The following PLCL2 variants were observed in gnomAD, a reference collection of about 807,000 sequenced individuals.
PLCL2 encodes the protein inactive phospholipase C-like protein 2.
PLCL2 carries 4 observed loss-of-function variants against 79.6 expected under a neutral mutation model. The observed-to-expected ratio is 0.05, with a 90% CI of 0.02 to 0.11. The LOEUF is 0.11. Ranked by LOEUF, PLCL2 falls within the 10% of genes least tolerant of loss-of-function variation. PLCL2 has a pLI of 1.00. For missense variants in PLCL2, 895 were observed against 1,291.0 expected (o/e 0.69, Z 4.70); for synonymous variants, 484 against 457.7 (o/e 1.06, Z -0.73).
At chr3:16,890,957 G>A (rs1318719358) in intron 1 of PLCL2, among the ~76,000 whole-genome samples, 1 of 152,196 alleles carries the variant, frequency 6.6e-6, no homozygotes, top group Non-Finnish European at 1.5e-5. Flanking sequence ...AGGACACTTG[G>A]CACCCACCCA....
rs929094103 is a variant in PLCL2, at chr3:17,040,645, C to T, written c.3019-2229C>T. On this transcript the variant is annotated intron_variant, in intron 3 of 5. Transcript: ENST00000615277. ...CACACATCCTTTCATTTAATCCTCACATTATGAGGTGTAATGTCTTTAATA... is the reference window on the plus strand; with the variant it reads ...CACACATCCTTTCATTTAATCCTCATATTATGAGGTGTAATGTCTTTAATA... Among the ~76,000 whole-genome samples, 11 of 152,250 alleles carry T rather than the reference C, an allele frequency of 7.2e-5. No individual in the cohort carries two copies. The South Asian group carries it at 2.3e-3, about 32-fold the overall frequency.
At chr3:16,912,470 CAT>C in intron 1 of PLCL2, among the ~76,000 whole-genome samples, 1 of 152,290 alleles carries the variant, frequency 6.6e-6, no homozygotes, top group East Asian at 1.9e-4. Flanking sequence ...AGTGGTTTAA[CAT>C]GTGTATAGTG....
At position 17,066,480 on chromosome 3, in the gene PLCL2, C is replaced by T. The variant is rs2065012335; in HGVS notation, c.3095-1476C>T. On this transcript the variant is annotated intron_variant, in intron 4 of 5. Transcript: ENST00000615277. ...TTGTCAATCACCATGTAAAGAGTTG[C>T]TTCGAAATGGTGTTGCATAGAAAGG... Among the ~76,000 whole-genome samples the T allele has an allele frequency of 2.0e-5, 3 of 152,170 alleles. No homozygotes were observed. The South Asian group carries it at 6.2e-4, about 32-fold the overall frequency.
intron 5 of PLCL2, 53 bp downstream of exon 5, chr3:17,068,118 G>A (rs2065027820): frequency 2.1e-6 from 2 of 939,088 alleles, no homozygotes; most frequent in African/African-American, 3.3e-5. Context: ...CTTTCAGCAT[G>A]CTTCCCTCTC....
intron 1 of PLCL2, among the ~76,000 whole-genome samples, chr3:16,898,093 G>A (rs1696526893): frequency 6.6e-6 from 1 of 152,166 alleles, no homozygotes; most frequent in African/African-American, 2.4e-5. Flanking sequence ...GTGACCTGAG[G>A]GGAAGGCCAA....
chr3:16,960,849 TTC>T (rs2063747946), intron 1 of PLCL2, among the ~76,000 whole-genome samples: 1 of 152,244 alleles, frequency 6.6e-6, no homozygotes, highest in Non-Finnish European at 1.5e-5. Flanking sequence ...TTTCATACCC[TTC>T]TCTGTCTCCT....
intron 1 of PLCL2, among the ~76,000 whole-genome samples, chr3:16,965,452 C>T (rs201073036): frequency 4.0e-5 from 6 of 151,784 alleles, no homozygotes; most frequent in Admixed American, 6.6e-5. Context: ...AGTCAGGTAG[C>T]GTGATGCCTC....
intron 1 of PLCL2, among the ~76,000 whole-genome samples, chr3:16,907,489 C>T (rs1696778268): frequency 6.6e-6 from 1 of 152,182 alleles, no homozygotes; most frequent in South Asian, 2.1e-4. Flanking sequence ...CTATTCAGGA[C>T]TCCTTGCCCA....
intron 5 of PLCL2, among the ~76,000 whole-genome samples, chr3:17,070,821 G>C (rs2065054417): frequency 3.3e-5 from 5 of 152,118 alleles, no homozygotes; most frequent in Non-Finnish European, 7.4e-5. Context: ...CACAGCAGGA[G>C]GCTCCCAGTA....
intron 1 of PLCL2, among the ~76,000 whole-genome samples, chr3:16,909,783 T>C (rs886324557): frequency 2.6e-5 from 4 of 152,236 alleles, no homozygotes; most frequent in African/African-American, 9.6e-5. Flanking sequence ...CTCCATTAGC[T>C]TAAACGCCAT....
At position 17,009,706 on chromosome 3, in the gene PLCL2, G is replaced by A; in HGVS notation, c.360G>A (p.Lys120=). The A allele has an allele frequency of 1.2e-6, 2 of 1,604,938 alleles. No homozygotes were observed. The highest frequency in any genetic ancestry group is 1.1e-5 in the South Asian group (1 of 90,808). Residue 120 remains lysine, a synonymous_variant, in exon 2 of 6, where the codon AAG becomes AAA. Coordinates refer to ENST00000615277, the MANE Select transcript of PLCL2 (RefSeq NM_001144382.2). This position sits in a 1 kb window ranked among gnomAD's most constrained non-coding sequence, Gnocchi z 4.0. The part of the protein sequence containing the change: ...DGTKQKRERK[K]TVSFSSMPTE... ...CAAAACAGAAGAGGGAACGGAAAAA[G>A]ACAGTCTCATTCAGCAGCATGCCAA... is the stretch of plus-strand genomic sequence containing the variant.
chr3:17,022,944 A>T (rs958250940), intron 3 of PLCL2, among the ~76,000 whole-genome samples: 9 of 152,210 alleles, frequency 5.9e-5, no homozygotes, highest in Non-Finnish European at 8.8e-5. Flanking sequence ...TAAGCTCTTT[A>T]GGTAAAATGC....
intron 5 of PLCL2, among the ~76,000 whole-genome samples, chr3:17,068,607 T>C (rs1201903372): frequency 6.6e-6 from 1 of 152,178 alleles, no homozygotes; most frequent in East Asian, 1.9e-4. Context: ...TATTTTGGCA[T>C]AACAGTTGTT....
chr3:17,072,769 G>A (rs1367830573), intron 5 of PLCL2, among the ~76,000 whole-genome samples: 3 of 151,310 alleles, frequency 2.0e-5, no homozygotes. Flanking sequence ...ATTCATATTT[G>A]GTCTTGAAAC....
chr3:16,994,068 C>T (rs2064129106), intron 1 of PLCL2, among the ~76,000 whole-genome samples: 1 of 152,188 alleles, frequency 6.6e-6, no homozygotes, highest in Admixed American at 6.5e-5. Flanking sequence ...TTCATTGAAG[C>T]AGTTAAATTG....
chr3:17,014,906 G>A lies in PLCL2; in HGVS notation c.3013G>A (p.Asp1005Asn). 6.2e-7 allele frequency: 1 copy of A among 1,612,016 alleles called. No individual in the cohort carries two copies. Among genetic ancestry groups the A allele is most frequent in the Non-Finnish European group, 8.5e-7 (1 of 1,178,316 alleles). Residue 1005 changes from aspartate to asparagine, a missense_variant, in exon 3 of 6, where the codon GAC (aspartate) becomes AAC (asparagine). Transcript: ENST00000615277. ...TCTGAAGAAGATCGTAACAACTTAT[G>A]ACATGGTGAGTTGTCCTTTGTCCGT... ...EVLKKIVTTY[D>N]MMIQSLKALI... is the part of the protein sequence containing the mutation.
chr3:17,079,998 T>C (rs1214128765), intron 5 of PLCL2, among the ~76,000 whole-genome samples: 2 of 152,172 alleles, frequency 1.3e-5, no homozygotes, highest in African/African-American at 2.4e-5. Flanking sequence ...TCCTTTCCGC[T>C]CCTGCACAGA....
At chr3:16,971,638 G>A (rs2063869503) in intron 1 of PLCL2, among the ~76,000 whole-genome samples, 1 of 152,104 alleles carries the variant, frequency 6.6e-6, no homozygotes, top group Admixed American at 6.6e-5. Context: ...ATTACCTTGG[G>A]CGATATGGCC....
In PLCL2 at chr3:17,027,866, A is replaced by G. The variant is rs2064535160; in HGVS notation, c.3018+12955A>G. Among the ~76,000 whole-genome samples, 3 of 152,328 alleles carry G rather than the reference A, an allele frequency of 2.0e-5. No homozygotes were observed. The South Asian group carries it at 6.2e-4, about 32-fold the overall frequency. Reference sequence around the variant, plus strand: ...AAGAGGTGGAAACTAAAAGAGGAAAAAGCCAGTGGAAATTAACGTTTGCTC... The same window carrying G: ...AAGAGGTGGAAACTAAAAGAGGAAAGAGCCAGTGGAAATTAACGTTTGCTC... On this transcript the variant is annotated intron_variant, in intron 3 of 5. Coordinates refer to ENST00000615277, the MANE Select transcript of PLCL2 (RefSeq NM_001144382.2).
Sources: gnomAD v4.1 joint callset for allele counts (sites outside exome capture counted in the v4.1 genomes callset) on GRCh38, gnomAD v4.1.1 for gene constraint, Gnocchi (gnomAD v3.1) non-coding constraint, MANE v1.5 for transcripts, NCBI Gene and HGNC (gene_info 2026-07-23, HGNC 2026-07-21) for gene names.